Variants in INHBC observed in about 807,000 individuals in gnomAD.
INHBC encodes the protein inhibin subunit beta C.
A neutral mutation model predicts 12.4 loss-of-function variants in INHBC; 10 were observed. The observed-to-expected ratio is 0.81, with a 90% CI of 0.50 to 1.37. The LOEUF is 1.37. Among genes scored for constraint, INHBC ranks in the 40% most tolerant of loss-of-function variants. INHBC has a pLI of 0.00. For synonymous variants in INHBC, 147 were observed against 171.6 expected, an observed-to-expected ratio of 0.86 and a Z score of 1.12; for missense variants, 382 against 439.4, an observed-to-expected ratio of 0.87 and a Z score of 1.17.
Position 57,449,953 on chromosome 12 carries a change from T to G in INHBC, c.990T>G (p.Tyr330Ter). ...TARRPLSLLY[Y>*]DRDSNIVKTD... Reference sequence around the variant, plus strand: ...GGCGCCCCCTGTCTCTGCTCTATTATGACAGGGACAGCAACATTGTCAAGA... The same window carrying G: ...GGCGCCCCCTGTCTCTGCTCTATTAGGACAGGGACAGCAACATTGTCAAGA... The change falls in exon 2 of 2, where the codon TAT becomes TAG. Residue 330 changes from tyrosine (Y) to a stop codon, truncating the protein, a stop_gained. Coordinates refer to ENST00000309668, the MANE Select transcript of INHBC (RefSeq NM_005538.4). LOFTEE classifies it high-confidence loss of function. 6.4e-7 allele frequency: 1 copy of G among 1,561,466 alleles called. No individual in the cohort carries two copies. Among genetic ancestry groups the G allele is most frequent in the Non-Finnish European group, 8.7e-7 (1 of 1,152,800 alleles).
rs2139837239 is a variant in INHBC at position 57,450,997 on chromosome 12, A to G, written c.*975A>G. ...ACAGCTGAAAAGTCCTCTATCTCCT[A>G]CAAGGGCCCTAACTGGCACCCCAGA... On this transcript the variant is annotated 3_prime_UTR_variant, in exon 2 of 2. Transcript: ENST00000309668. 6.6e-6 allele frequency among the ~76,000 whole-genome samples: 1 copy of G among 152,186 alleles called. No homozygotes were observed. Among genetic ancestry groups the G allele is most frequent in the South Asian group, 2.1e-4 (1 of 4,824 alleles).
At chr12:57,435,305 C>G in intron 1 of INHBC, 106 bp downstream of exon 1, 9 of 1,061,374 alleles carry the variant, frequency 8.5e-6, no homozygotes, top group Non-Finnish European at 1.2e-5. Flanking sequence ...ACCATCCAAC[C>G]CCTGCTTCCC....
At chr12:57,441,977 A>G (rs927419114) in intron 1 of INHBC, among the ~76,000 whole-genome samples, 2 of 151,964 alleles carry the variant, frequency 1.3e-5, no homozygotes, top group African/African-American at 2.4e-5. Context: ...CATTGCCCCC[A>G]GCCACTCTCA....
intron 1 of INHBC, among the ~76,000 whole-genome samples, chr12:57,435,607 C>T (rs1206770068): frequency 1.3e-5 from 2 of 152,134 alleles, no homozygotes; most frequent in Non-Finnish European, 2.9e-5. Context: ...CCTCCAGATG[C>T]CTCATTTGAG....
At chr12:57,438,125 G>A (rs1348954672) in intron 1 of INHBC, among the ~76,000 whole-genome samples, 1 of 152,174 alleles carries the variant, frequency 6.6e-6, no homozygotes, top group Non-Finnish European at 1.5e-5. Context: ...GAGCTAGATA[G>A]CCTGGGCTCA....
intron 1 of INHBC, among the ~76,000 whole-genome samples, chr12:57,441,220 G>T (rs1401086912): frequency 6.6e-6 from 1 of 152,042 alleles, no homozygotes; most frequent in African/African-American, 2.4e-5. Flanking sequence ...CAGGTGTGGT[G>T]GTGCATGTCT....
At chr12:57,438,985 C>T (rs1008558980) in intron 1 of INHBC, among the ~76,000 whole-genome samples, 1 of 152,182 alleles carries the variant, frequency 6.6e-6, no homozygotes, top group African/African-American at 2.4e-5. Context: ...TGATTGTGAA[C>T]ATCTTCTCCC....
At position 57,445,718 on chromosome 12, in the gene INHBC, C is replaced by CT. The variant is rs928982503; in HGVS notation, c.314-3559_314-3558insT. Among the ~76,000 whole-genome samples, 22 of 145,110 alleles carry CT rather than the reference C, an allele frequency of 1.5e-4. 1 individual carries two copies. Among genetic ancestry groups the CT allele is most frequent in the Admixed American group, 1.2e-3 (17 of 14,548 alleles). ...AGTCTGGGTAACATAGTGAGACCCC[C>CT]CGCCCATCTCCATGTAAATTTTTTT... is the stretch of plus-strand genomic sequence containing the variant. On this transcript the variant is annotated intron_variant, in intron 1 of 1. Coordinates refer to ENST00000309668, the MANE Select transcript of INHBC (RefSeq NM_005538.4).
In INHBC at chr12:57,449,699, A is replaced by G. The variant is rs1566551908; in HGVS notation, c.736A>G (p.Met246Val). 1 of 1,614,230 alleles carries G rather than the reference A, an allele frequency of 6.2e-7. No homozygotes were observed. The highest frequency in any genetic ancestry group is 1.3e-5 in the African/African-American group (1 of 75,058). ...CATCGACTGCCAAGGAGGGTCCAGG[A>G]TGTGCTGTCGACAAGAGTTTTTTGT... Reference protein sequence around the residue: ...RGIDCQGGSRMCCRQEFFVDF... With the variant: ...RGIDCQGGSRVCCRQEFFVDF... The change falls in exon 2 of 2, where the codon ATG (methionine) becomes GTG (valine). Residue 246 changes from methionine (M) to valine (V), a missense_variant. Transcript: ENST00000309668.
chr12:57,441,547 C>G (rs1486761275), intron 1 of INHBC, among the ~76,000 whole-genome samples: 1 of 148,646 alleles, frequency 6.7e-6, no homozygotes, highest in East Asian at 2.0e-4. Context: ...AAAAAAAAGT[C>G]AATGCAACAT....
At chr12:57,435,347 G>A (rs558131466) in intron 1 of INHBC, 148 bp downstream of exon 1, 5 of 734,306 alleles carry the variant, frequency 6.8e-6, no homozygotes, top group Admixed American at 2.8e-5. Context: ...CAGGTGTCCC[G>A]ACAACCCCCA....
At chr12:57,446,241 A>AT (rs915170256) in intron 1 of INHBC, among the ~76,000 whole-genome samples, 29 of 151,408 alleles carry the variant, frequency 1.9e-4, no homozygotes, top group Admixed American at 1.7e-3. Flanking sequence ...CGGCCTAAAA[A>AT]TTTTTTTTTA....
rs1388346034 is a variant in INHBC, at chr12:57,451,941, G to T, written c.*1919G>T. On this transcript the variant is annotated 3_prime_UTR_variant, in exon 2 of 2. Transcript: ENST00000309668. ...TGGGGGGGCTAAATTTTAAGGGGGT[G>T]GTGAACAATTTATTAATCAAGATAG... 1 of 422,196 alleles carries T rather than the reference G, an allele frequency of 2.4e-6. No individual in the cohort carries two copies. Among genetic ancestry groups the T allele is most frequent in the Non-Finnish European group, 4.7e-6 (1 of 213,224 alleles). 26.2% of individuals were successfully genotyped at this position (422,196 alleles called of 1,614,324 possible).
chr12:57,436,326 G>A (rs1204737436), intron 1 of INHBC, among the ~76,000 whole-genome samples: 4 of 149,504 alleles, frequency 2.7e-5, no homozygotes, highest in African/African-American at 7.4e-5. Flanking sequence ...CACCATACCC[G>A]GCTAATTTTT....
chr12:57,448,428 G>A (rs914188400), intron 1 of INHBC, among the ~76,000 whole-genome samples: 5 of 151,976 alleles, frequency 3.3e-5, no homozygotes, highest in Non-Finnish European at 7.4e-5. Context: ...AATTAACTGG[G>A]AGTGGTGGCA....
In INHBC at chr12:57,450,236, T is replaced by G; in HGVS notation, c.*214T>G. The G allele has an allele frequency of 4.3e-6, 2 of 462,960 alleles. No individual in the cohort carries two copies. Among genetic ancestry groups the G allele is most frequent in the Admixed American group, 4.0e-5 (1 of 25,006 alleles). 28.7% of individuals were successfully genotyped at this position (462,960 alleles called of 1,614,324 possible). ...TCTTCCTGACCACTACCCTCTTTCCTAGGGCATAGTCCATCCCGCTAGTCC... is the reference window on the plus strand; with the variant it reads ...TCTTCCTGACCACTACCCTCTTTCCGAGGGCATAGTCCATCCCGCTAGTCC... On this transcript the variant is annotated 3_prime_UTR_variant, in exon 2 of 2. Transcript: ENST00000309668.
chr12:57,447,216 G>T (rs868681683), intron 1 of INHBC, among the ~76,000 whole-genome samples: 1 of 151,428 alleles, frequency 6.6e-6, no homozygotes, highest in Non-Finnish European at 1.5e-5. Context: ...GCGGAGCCTC[G>T]CTCTGTCTCT....
chr12:57,448,785 G>A (rs1870642780), intron 1 of INHBC, among the ~76,000 whole-genome samples: 1 of 152,132 alleles, frequency 6.6e-6, no homozygotes, highest in African/African-American at 2.4e-5. Context: ...TTTCAGGAAG[G>A]AAAGAATTGT....
Position 57,434,976 on chromosome 12 carries a change from G to A in INHBC, c.90G>A (p.Gly30=). 6.2e-7 allele frequency: 1 copy of A among 1,614,208 alleles called. No individual in the cohort carries two copies. The highest frequency in any genetic ancestry group is 1.1e-5 in the South Asian group (1 of 91,090). Residue 30 remains glycine (G), a synonymous_variant, in exon 1 of 2, where the codon GGG becomes GGA. Transcript: ENST00000309668. ...CTGGCGGTCAGTGTCCAGCATGTGGGGGGCCCACCTTGGAACTGGAGAGCC... is the reference window on the plus strand; with the variant it reads ...CTGGCGGTCAGTGTCCAGCATGTGGAGGGCCCACCTTGGAACTGGAGAGCC... The part of the protein sequence containing the change: ...PRAGGQCPAC[G]GPTLELESQR...
Sources: allele counts gnomAD v4.1 joint callset (sites outside exome capture counted in the v4.1 genomes callset), GRCh38; gene constraint gnomAD v4.1.1; transcripts MANE v1.5; gene names NCBI Gene and HGNC (gene_info 2026-07-23, HGNC 2026-07-21).